Variants in BCAR3 observed in about 807,000 individuals in gnomAD.
BCAR3 encodes the protein BCAR3 adaptor protein, NSP family member, also known as breast cancer anti-estrogen resistance protein 3.
In BCAR3, 37 loss-of-function variants were observed where a neutral mutation model predicts 80.1. That is an observed-to-expected ratio of 0.46 (90% CI 0.36 to 0.61). The LOEUF is 0.61. BCAR3 is among the 20% of genes least tolerant of loss of function. The pLI is 0.00. For missense variants in BCAR3, 978 were observed against 1,068.2 expected (o/e 0.92, Z 1.18); for synonymous variants, 389 against 418.9 (o/e 0.93, Z 0.87).
chr1:93,753,709 C>T (rs900528906), intron 2 of BCAR3: 3 of 152,180 alleles, frequency 2.0e-5, no homozygotes, highest in Admixed American at 6.6e-5. Context: ...CATCTACTTG[C>T]TGCCATGGTT....
rs140056464 is a variant in BCAR3, at chr1:93,607,176, T to C, written c.358-14783A>G. On this transcript the variant is annotated intron_variant, in intron 3 of 11. Coordinates refer to ENST00000260502, the MANE Select transcript of BCAR3 (RefSeq NM_003567.4). ...GTTCATTATTTGGGTGGTGAGTACA[T>C]TGGAAGCTCAAATCCCACCGCTATG... 2.0e-5 allele frequency among the ~76,000 whole-genome samples: 3 copies of C among 152,236 alleles called. No individual in the cohort carries two copies. In the East Asian group the frequency reaches 5.8e-4, roughly 29 times the overall value.
chr1:93,691,837 A>G (rs949750319), intron 3 of BCAR3, among the ~76,000 whole-genome samples: 3 of 152,206 alleles, frequency 2.0e-5, no homozygotes, highest in Non-Finnish European at 4.4e-5. Context: ...CTAATAAGAC[A>G]TGAATATGTA....
intron 3 of BCAR3, among the ~76,000 whole-genome samples, chr1:93,636,480 T>C (rs934117165): frequency 2.8e-4 from 43 of 152,204 alleles, no homozygotes; most frequent in South Asian, 4.2e-4. Flanking sequence ...AGCAGGCCTT[T>C]GTCCACAGGC....
chr1:93,656,506 T>C (rs1647386145), intron 2 of BCAR3, among the ~76,000 whole-genome samples: 1 of 152,090 alleles, frequency 6.6e-6, no homozygotes, highest in African/African-American at 2.4e-5. Flanking sequence ...CTTTTTATAT[T>C]TTCCTGTTTA....
intron 2 of BCAR3, chr1:93,720,164 C>T (rs1650342098): frequency 6.6e-6 from 1 of 152,228 alleles, no homozygotes; most frequent in African/African-American, 2.4e-5. Flanking sequence ...GGGAAGGCCT[C>T]TCCTTCCACC....
chr1:93,662,323 C>T (rs941383365), intron 2 of BCAR3, among the ~76,000 whole-genome samples: 3 of 152,294 alleles, frequency 2.0e-5, no homozygotes, highest in East Asian at 3.9e-4. Context: ...AAATATTTTT[C>T]GTGTGTGGCT....
chr1:93,767,472 C>G (rs1417563177), intron 2 of BCAR3, among the ~76,000 whole-genome samples: 1 of 148,620 alleles, frequency 6.7e-6, no homozygotes, highest in Non-Finnish European at 1.5e-5. Context: ...TGCAGTGAGC[C>G]GTGATCACAC....
chr1:93,833,751 G>A (rs1654663848), intron 2 of BCAR3, among the ~76,000 whole-genome samples: 1 of 152,104 alleles, frequency 6.6e-6, no homozygotes, highest in Non-Finnish European at 1.5e-5. Context: ...TTCTTTTCAA[G>A]GTGCCTAGAT....
intron 2 of BCAR3, among the ~76,000 whole-genome samples, chr1:93,802,190 G>A (rs542839479): frequency 4.6e-5 from 7 of 151,636 alleles, no homozygotes; most frequent in African/African-American, 1.7e-4. Context: ...TGTGCCTGTA[G>A]TCCCAGGTAC....
intron 1 of BCAR3, among the ~76,000 whole-genome samples, chr1:93,679,193 GTA>G (rs1390714873): frequency 6.6e-6 from 1 of 152,164 alleles, no homozygotes; most frequent in Admixed American, 6.5e-5. Flanking sequence ...AAGTGATTGT[GTA>G]TACAAAGTTC....
rs546401568 is a variant in BCAR3 at position 93,584,516 on chromosome 1, C to T, written c.930-395G>A. Among the ~76,000 whole-genome samples, 7 of 152,342 alleles carry T rather than the reference C, an allele frequency of 4.6e-5. No homozygotes were observed. The South Asian group carries it at 1.5e-3, about 32-fold the overall frequency. ...GGCCCAGAGGGAATGGCTTGCCTAA[C>T]TAACATGCATTTTCCACATGCTCCA... On this transcript the variant is annotated intron_variant, in intron 5 of 11. Coordinates refer to ENST00000260502, the MANE Select transcript of BCAR3 (RefSeq NM_003567.4).
chr1:93,612,074 G>A (rs982344678), intron 3 of BCAR3, among the ~76,000 whole-genome samples: 3 of 152,108 alleles, frequency 2.0e-5, no homozygotes, highest in Admixed American at 2.0e-4. Context: ...AAAGCGACTC[G>A]GCATTATCAA....
intron 9 of BCAR3, among the ~76,000 whole-genome samples, chr1:93,570,355 GT>G (rs36027612): frequency 6.6e-6 from 1 of 152,186 alleles, no homozygotes; most frequent in Non-Finnish European, 1.5e-5. Flanking sequence ...GTGACCAGCG[GT>G]TTTGGTGTTA....
intron 2 of BCAR3, among the ~76,000 whole-genome samples, chr1:93,818,378 C>G (rs553900671): frequency 2.0e-5 from 3 of 152,288 alleles, no homozygotes; most frequent in Admixed American, 6.5e-5. Flanking sequence ...CCTCTTCTGC[C>G]TGCAGGCTAA....
chr1:93,589,355 C>G lies in BCAR3; in HGVS notation c.551G>C (p.Gly184Ala), dbSNP rs768301429. The change falls in exon 5 of 12, where the codon GGG becomes GCG. Residue 184 changes from glycine to alanine, a missense_variant. By Grantham distance (60) the Gly-to-Ala change is moderately conservative. Coordinates refer to ENST00000260502, the MANE Select transcript of BCAR3 (RefSeq NM_003567.4). ...FLVRDSLSSP[G>A]NFVLTCQWKN... is the part of the protein sequence containing the mutation. ...CCACTGACAGGTCAGGACAAAGTTC[C>G]CAGGGCTGGACAGAGAGTCACGAAC... The G allele has an allele frequency of 1.2e-6, 2 of 1,613,972 alleles. No homozygotes were observed. The highest frequency in any genetic ancestry group is 1.7e-6 in the Non-Finnish European group (2 of 1,180,032).
At chr1:93,702,911 ACCTGAT>A (rs939119986) in intron 3 of BCAR3, among the ~76,000 whole-genome samples, 14 of 152,180 alleles carry the variant, frequency 9.2e-5, no homozygotes, top group Admixed American at 6.5e-4. Context: ...GAGGCTTCAG[ACCTGAT>A]CCTGATCCTG....
intron 9 of BCAR3, among the ~76,000 whole-genome samples, chr1:93,570,911 T>C (rs1021187085): frequency 1.3e-5 from 2 of 152,152 alleles, no homozygotes; most frequent in East Asian, 1.9e-4. Flanking sequence ...CCTTAAAAAA[T>C]AGACCCCAGA....
chr1:93,576,636 G>A (rs961022942), intron 7 of BCAR3, among the ~76,000 whole-genome samples: 2 of 152,196 alleles, frequency 1.3e-5, no homozygotes, highest in Non-Finnish European at 2.9e-5. Flanking sequence ...CCTGGGCTCA[G>A]TAAATGCTCT....
chr1:93,659,860 A>G (rs570691711), intron 2 of BCAR3, among the ~76,000 whole-genome samples: 1 of 152,176 alleles, frequency 6.6e-6, no homozygotes, highest in East Asian at 1.9e-4. Context: ...ACAATCAGTG[A>G]CATCTCCTCA....
Sources: allele counts gnomAD v4.1 joint callset (sites outside exome capture counted in the v4.1 genomes callset), GRCh38; gene constraint gnomAD v4.1.1; transcripts MANE v1.5; gene names NCBI Gene and HGNC (gene_info 2026-07-23, HGNC 2026-07-21).